The following HTR4 variants were observed in gnomAD, a reference collection of about 807,000 sequenced individuals.
The protein encoded by HTR4 is 5-hydroxytryptamine (serotonin) receptor 4, G protein-coupled.
A neutral mutation model predicts 36.8 loss-of-function variants in HTR4; 16 were observed. The ratio of observed to expected loss-of-function variants is 0.43; its 90% CI spans 0.29 to 0.66. The LOEUF is 0.66. HTR4 is among the 30% of genes least tolerant of loss of function. The pLI is 0.13. For synonymous variants in HTR4, 189 were observed against 185.1 expected, an observed-to-expected ratio of 1.02 and a Z score of -0.17; for missense variants, 438 against 490.9, an observed-to-expected ratio of 0.89 and a Z score of 1.02.
chr5:148,647,241 C>T (rs1326748115), intron 1 of HTR4, among the ~76,000 whole-genome samples: 1 of 152,184 alleles, frequency 6.6e-6, no homozygotes, highest in Non-Finnish European at 1.5e-5. Context: ...CTCAGTCTGT[C>T]ATTTTCATAA....
chr5:148,480,729 G>A (rs139726935), downstream of HTR4, among the ~76,000 whole-genome samples: 25 of 152,234 alleles, frequency 1.6e-4, no homozygotes, highest in East Asian at 3.1e-3. Flanking sequence ...ACCTTCCTGC[G>A]AACTTTGCCC....
intron 2 of HTR4, among the ~76,000 whole-genome samples, chr5:148,627,399 T>C (rs745703431): frequency 6.6e-6 from 1 of 152,216 alleles, no homozygotes. Flanking sequence ...ACGCTTTTTC[T>C]GGCATTCATC....
rs1755905234 is a variant in HTR4, at chr5:148,481,922, C to T, written c.*1281G>A. 8.9e-7 allele frequency: 1 copy of T among 1,118,280 alleles called. No homozygotes were observed. 69.3% of individuals were successfully genotyped at this position (1,118,280 alleles called of 1,614,324 possible). A position where few individuals can be genotyped will look rare whatever the true frequency, so the allele number is the denominator to read the frequency against. On this transcript the variant is annotated 3_prime_UTR_variant, in exon 7 of 7. Transcript: ENST00000377888. ...GGAGGGTCGTTCCTTTGAAACAAAG[C>T]CAAAAGGCAGGCAGGCCATGGCTTC...
At chr5:148,559,878 A>G (rs1327680166) in intron 2 of HTR4, among the ~76,000 whole-genome samples, 1 of 152,128 alleles carries the variant, frequency 6.6e-6, no homozygotes, top group Non-Finnish European at 1.5e-5. Context: ...TTCCCCGCTT[A>G]TAAAGCTTTT....
intron 5 of HTR4, among the ~76,000 whole-genome samples, chr5:148,520,308 A>G (rs1254314181): frequency 1.3e-5 from 2 of 152,188 alleles, no homozygotes; most frequent in African/African-American, 4.8e-5. Context: ...ATTAGGGTCC[A>G]TTTTAAACCG....
At chr5:148,563,515 A>C (rs1266527758) in intron 2 of HTR4, among the ~76,000 whole-genome samples, 5 of 152,178 alleles carry the variant, frequency 3.3e-5, no homozygotes, top group Non-Finnish European at 7.4e-5. Context: ...ATATTCACTG[A>C]AGTATTTTCC....
At chr5:148,588,650 C>T (rs2127255579) in intron 2 of HTR4, among the ~76,000 whole-genome samples, 1 of 149,824 alleles carries the variant, frequency 6.7e-6, no homozygotes, top group Non-Finnish European at 1.5e-5. Context: ...ACGCCATTCT[C>T]CTGCCTCAGC....
chr5:148,638,776 C>T (rs367784949), intron 1 of HTR4, among the ~76,000 whole-genome samples: 16 of 152,048 alleles, frequency 1.1e-4, no homozygotes, highest in African/African-American at 2.2e-4. Flanking sequence ...GATTCCTGGC[C>T]GGGGGCAGTA....
At chr5:148,471,710 C>A (rs1053953081), downstream of HTR4, among the ~76,000 whole-genome samples, 3 of 152,162 alleles carry the variant, frequency 2.0e-5, no homozygotes, top group African/African-American at 2.4e-5. Flanking sequence ...AATACAGATT[C>A]ACATTAAAGC....
intron 1 of HTR4, among the ~76,000 whole-genome samples, chr5:148,644,422 GTTTTTTTTTTTTTTTTTTTT>G (rs1175588280): frequency 2.5e-5 from 1 of 40,584 alleles, no homozygotes; most frequent in Non-Finnish European, 4.2e-5. Context: ...AAGCTCACAA[GTTTTTTTTTTTTTTTTTTTT>G]TTTTTTTTTT....
intron 6 of HTR4, among the ~76,000 whole-genome samples, chr5:148,486,234 G>A (rs1031675983): frequency 6.6e-6 from 1 of 152,180 alleles, no homozygotes; most frequent in Non-Finnish European, 1.5e-5. Context: ...ATTGTTCACA[G>A]TTAGCAGTTT....
intron 1 of HTR4, among the ~76,000 whole-genome samples, chr5:148,652,295 A>T (rs1275549901): frequency 6.6e-6 from 1 of 152,194 alleles, no homozygotes; most frequent in Admixed American, 6.5e-5. Context: ...TATGGCAGCT[A>T]CTGATGAAGG....
At chr5:148,518,146 C>A (rs1349061842) in intron 5 of HTR4, among the ~76,000 whole-genome samples, 2 of 152,070 alleles carry the variant, frequency 1.3e-5, no homozygotes, top group East Asian at 3.9e-4. Flanking sequence ...TAGTTTAACA[C>A]CCTATTTAAT....
At chr5:148,529,228 C>T (rs1392463401) in intron 4 of HTR4, among the ~76,000 whole-genome samples, 2 of 152,098 alleles carry the variant, frequency 1.3e-5, no homozygotes, top group Non-Finnish European at 2.9e-5. Context: ...CATACTGAAT[C>T]TCAGAACTTG....
chr5:148,500,670 A>C (rs1756895616), intron 6 of HTR4, among the ~76,000 whole-genome samples: 1 of 152,078 alleles, frequency 6.6e-6, no homozygotes, highest in Non-Finnish European at 1.5e-5. Flanking sequence ...TAAGAAAAAT[A>C]CAACAAAGTT....
chr5:148,644,162 C>A (rs1476056398), intron 1 of HTR4, among the ~76,000 whole-genome samples: 1 of 152,164 alleles, frequency 6.6e-6, no homozygotes, highest in Non-Finnish European at 1.5e-5. Flanking sequence ...TTGAGAACCA[C>A]CACGGCAAAA....
chr5:148,559,784 C>T lies in HTR4; in HGVS notation c.27-9522G>A, dbSNP rs115580497. Among the ~76,000 whole-genome samples, 1,033 of 152,192 alleles carry T rather than the reference C, an allele frequency of 6.8e-3. 11 individuals carry two copies. The highest frequency in any genetic ancestry group is 0.024 in the African/African-American group (995 of 41,536). On this transcript the variant is annotated intron_variant, in intron 2 of 6. Transcript: ENST00000377888. ...AAGACACTGCTCCCCAAAGCAATTA[C>T]GTAAGATGCCTCACTGCTTGTTAGT...
downstream of HTR4, among the ~76,000 whole-genome samples, chr5:148,475,433 A>C (rs966655820): frequency 6.6e-6 from 1 of 152,176 alleles, no homozygotes; most frequent in African/African-American, 2.4e-5. Context: ...AGGTGAAGTG[A>C]GACTCTTGCT....
chr5:148,510,639 G>C (rs982282707), intron 5 of HTR4, among the ~76,000 whole-genome samples: 2 of 152,238 alleles, frequency 1.3e-5, no homozygotes, highest in Non-Finnish European at 2.9e-5. Flanking sequence ...TTTTAAGCAA[G>C]TTTTTTCCAA....
Sources: gnomAD v4.1 joint callset for allele counts (sites outside exome capture counted in the v4.1 genomes callset) on GRCh38, gnomAD v4.1.1 for gene constraint, MANE v1.5 for transcripts, NCBI Gene and HGNC (gene_info 2026-07-23, HGNC 2026-07-21) for gene names.